Variants in ZBTB7C observed in about 807,000 individuals in gnomAD.
The protein encoded by ZBTB7C is zinc finger and BTB domain-containing protein 7C.
Under a neutral mutation model 25.7 loss-of-function variants are expected in ZBTB7C, and 8 were observed. That is an observed-to-expected ratio of 0.31 (90% CI 0.18 to 0.56). The LOEUF (loss-of-function observed/expected upper bound fraction) is 0.56. Among genes scored for constraint, ZBTB7C ranks in the 20% least tolerant of loss-of-function variants. ZBTB7C has a pLI of 0.91. For synonymous variants in ZBTB7C, 394 were observed against 369.0 expected (o/e 1.07, Z -0.78); for missense variants, 824 against 855.2 (o/e 0.96, Z 0.46).
At chr18:48,127,126 C>A (rs1192293605) in intron 3 of ZBTB7C, among the ~76,000 whole-genome samples, 2 of 152,130 alleles carry the variant, frequency 1.3e-5, no homozygotes, top group Non-Finnish European at 1.5e-5. Flanking sequence ...AGGCTCCATC[C>A]CCATTTTGCA....
intron 1 of ZBTB7C, among the ~76,000 whole-genome samples, chr18:48,390,577 T>C (rs2047876807): frequency 6.6e-6 from 1 of 152,194 alleles, no homozygotes; most frequent in Non-Finnish European, 1.5e-5. Context: ...TGGTGATGAT[T>C]TCCTGTCTGT....
intron 1 of ZBTB7C, among the ~76,000 whole-genome samples, chr18:48,338,722 C>T (rs369263309): frequency 1.6e-4 from 24 of 152,304 alleles, no homozygotes; most frequent in African/African-American, 5.5e-4. Context: ...CCCTAGCCAT[C>T]GTTCAGAGTT....
At chr18:48,115,533 C>A (rs557490613) in intron 3 of ZBTB7C, among the ~76,000 whole-genome samples, 30 of 152,250 alleles carry the variant, frequency 2.0e-4, no homozygotes, top group African/African-American at 6.0e-4. Context: ...CCACCGTGCC[C>A]GGCCTTATGA....
chr18:48,234,192 A>G (rs2043321601), intron 2 of ZBTB7C, among the ~76,000 whole-genome samples: 1 of 152,092 alleles, frequency 6.6e-6, no homozygotes, highest in African/African-American at 2.4e-5. Context: ...GCAACGCTAT[A>G]GTCCACAAGC....
At chr18:48,332,250 C>A (rs1204341631) in intron 2 of ZBTB7C, among the ~76,000 whole-genome samples, 1 of 152,202 alleles carries the variant, frequency 6.6e-6, no homozygotes, top group Non-Finnish European at 1.5e-5. Context: ...GGTTACTGGT[C>A]CTGGGAAGCT....
intron 3 of ZBTB7C, among the ~76,000 whole-genome samples, chr18:48,067,246 G>A (rs2037366490): frequency 6.6e-6 from 1 of 152,168 alleles, no homozygotes; most frequent in Admixed American, 6.5e-5. Flanking sequence ...ATTTTACCTT[G>A]AAGATCCCTT....
chr18:48,090,546 C>T (rs914043392), intron 3 of ZBTB7C, among the ~76,000 whole-genome samples: 2 of 152,192 alleles, frequency 1.3e-5, no homozygotes, highest in African/African-American at 4.8e-5. Flanking sequence ...TGAGCATCAG[C>T]ACCAACAAAG....
chr18:48,106,671 G>A (rs1000746602), intron 3 of ZBTB7C, among the ~76,000 whole-genome samples: 1 of 152,110 alleles, frequency 6.6e-6, no homozygotes, highest in African/African-American at 2.4e-5. Context: ...AATATGGGAG[G>A]TTCATTCTAC....
intron 3 of ZBTB7C, among the ~76,000 whole-genome samples, chr18:48,053,836 G>T (rs2036796926): frequency 6.6e-6 from 1 of 152,214 alleles, no homozygotes. Flanking sequence ...GAGGCAGATG[G>T]GGTGCCTGGG....
rs549581963 is a variant in ZBTB7C, at chr18:48,225,262, G to A, written c.-78-39267C>T. On this transcript the variant is annotated intron_variant, in intron 2 of 4. Transcript: ENST00000590800. ...AATGGGAGGGAGAAGAGGTAAAAGAGGGAGAGAAAAGGGAGAGGGAGAGGG... is the reference window on the plus strand; with the variant it reads ...AATGGGAGGGAGAAGAGGTAAAAGAAGGAGAGAAAAGGGAGAGGGAGAGGG... Among the ~76,000 whole-genome samples, 245 of 151,988 alleles carry A rather than the reference G, an allele frequency of 1.6e-3. 2 individuals carry two copies. The highest frequency in any genetic ancestry group is 6.8e-3 in the Middle Eastern group (2 of 294).
At chr18:48,349,045 T>A (rs2046804562) in intron 1 of ZBTB7C, among the ~76,000 whole-genome samples, 2 of 151,692 alleles carry the variant, frequency 1.3e-5, no homozygotes, top group African/African-American at 4.8e-5. Flanking sequence ...GGCAAGGAGG[T>A]GGCAGAAGAG....
At chr18:48,106,831 G>A (rs1032627282) in intron 3 of ZBTB7C, among the ~76,000 whole-genome samples, 6 of 151,918 alleles carry the variant, frequency 3.9e-5, no homozygotes, top group South Asian at 2.1e-4. Context: ...GTTCTGCAGC[G>A]GGGTGGGGAA....
chr18:48,054,631 G>C (rs2036840832), intron 3 of ZBTB7C, among the ~76,000 whole-genome samples: 2 of 152,132 alleles, frequency 1.3e-5, no homozygotes, highest in Admixed American at 1.3e-4. Context: ...CTCAGAACTT[G>C]TACTTTTCTT....
chr18:48,290,530 G>C (rs577184530), intron 2 of ZBTB7C, among the ~76,000 whole-genome samples: 1 of 152,320 alleles, frequency 6.6e-6, no homozygotes, highest in East Asian at 1.9e-4. Context: ...AATTATCCTG[G>C]GGAGCTAAGC....
At chr18:48,049,975 G>A (rs2036618920) in intron 3 of ZBTB7C, among the ~76,000 whole-genome samples, 1 of 152,142 alleles carries the variant, frequency 6.6e-6, no homozygotes, top group African/African-American at 2.4e-5. Flanking sequence ...CTCCTCCCAT[G>A]CCCAGGCCTG....
intron 3 of ZBTB7C, among the ~76,000 whole-genome samples, chr18:48,139,965 C>T (rs1194309334): frequency 2.0e-5 from 3 of 152,158 alleles, no homozygotes; most frequent in Non-Finnish European, 1.5e-5. Flanking sequence ...TCTGGCTCCC[C>T]GCCTTCCCGG....
At chr18:48,087,329 A>G (rs1023866477) in intron 3 of ZBTB7C, among the ~76,000 whole-genome samples, 7 of 152,382 alleles carry the variant, frequency 4.6e-5, no homozygotes, top group African/African-American at 1.7e-4. Flanking sequence ...TGTTGAACAC[A>G]GTGTTCCCTT....
At chr18:48,098,801 C>T (rs1171922400) in intron 3 of ZBTB7C, among the ~76,000 whole-genome samples, 1 of 152,202 alleles carries the variant, frequency 6.6e-6, no homozygotes, top group East Asian at 1.9e-4. Flanking sequence ...AAGGTTTGAC[C>T]TTACACAACC....
intron 1 of ZBTB7C, among the ~76,000 whole-genome samples, chr18:48,365,696 A>G (rs1450203230): frequency 6.6e-6 from 1 of 151,916 alleles, no homozygotes; most frequent in Non-Finnish European, 1.5e-5. Flanking sequence ...CTCCTAGCCC[A>G]CAGAAAAAAA....
Sources: allele counts gnomAD v4.1 joint callset (sites outside exome capture counted in the v4.1 genomes callset), GRCh38; gene constraint gnomAD v4.1.1; transcripts MANE v1.5; gene names NCBI Gene and HGNC (gene_info 2026-07-23, HGNC 2026-07-21).